Variants in ERC2 observed in about 807,000 individuals in gnomAD.
The protein encoded by ERC2 is ELKS/RAB6-interacting/CAST family member 2.
Under a neutral mutation model 114.8 loss-of-function variants are expected in ERC2, and 42 were observed. That is an observed-to-expected ratio of 0.37 (90% confidence interval 0.29 to 0.47). The LOEUF (loss-of-function observed/expected upper bound fraction) is 0.47, where lower values mean the gene tolerates loss of function less well. Ranked by LOEUF, ERC2 falls within the 20% of genes least tolerant of loss-of-function variation. The probability of loss-of-function intolerance (pLI) is 0.99; values close to 1 mark genes in which losing one functional copy is unlikely to be tolerated. For missense variants in ERC2, 939 were observed against 1,150.7 expected (o/e 0.82, Z 2.66); for synonymous variants, 454 against 425.5 (o/e 1.07, Z -0.82).
intron 15 of ERC2, among the ~76,000 whole-genome samples, chr3:55,708,240 A>G (rs1437262213): frequency 6.6e-6 from 1 of 152,228 alleles, no homozygotes; most frequent in African/African-American, 2.4e-5. Context: ...AGTCCACACT[A>G]GCGTTTAATG....
Position 55,675,903 on chromosome 3 carries a change from C to CTTTTTTTTTTTTTTTTTTTT in ERC2, c.*39+7871_*39+7890dup, listed in dbSNP as rs869296098. On this transcript the variant is annotated intron_variant, in intron 17 of 17. Transcript: ENST00000288221. ...TTCCATCTTTCTTTCTCTTTTCTTT[C>CTTTTTTTTTTTTTTTTTTTT]TTTTTTTTTTTTTTTTTTTTTTTTT... Among the ~76,000 whole-genome samples the CTTTTTTTTTTTTTTTTTTTT allele has an allele frequency of 3.1e-3, 147 of 47,990 alleles. 34 individuals carry two copies. Among genetic ancestry groups the CTTTTTTTTTTTTTTTTTTTT allele is most frequent in the Admixed American group, 7.0e-3 (20 of 2,864 alleles). 31.5% of individuals were successfully genotyped at this position (47,990 alleles called of 152,430 possible). A position where few individuals can be genotyped will look rare whatever the true frequency, so the allele number is the denominator to read the frequency against.
chr3:56,036,251 T>C (rs2074792712), intron 7 of ERC2, among the ~76,000 whole-genome samples: 1 of 152,172 alleles, frequency 6.6e-6, no homozygotes, highest in South Asian at 2.1e-4. Context: ...GCTAACTTAA[T>C]ACTCAATGGA....
chr3:55,979,487 A>C (rs564213836), intron 12 of ERC2, among the ~76,000 whole-genome samples: 1 of 152,346 alleles, frequency 6.6e-6, no homozygotes, highest in South Asian at 2.1e-4. Flanking sequence ...TATGGGTGGA[A>C]TCTCACTAGA....
chr3:55,527,831 G>A (rs1006849043), intron 17 of ERC2, among the ~76,000 whole-genome samples: 3 of 152,180 alleles, frequency 2.0e-5, no homozygotes, highest in South Asian at 2.1e-4. Context: ...TATTTCATGC[G>A]TGGGTTTGGG....
intron 3 of ERC2, among the ~76,000 whole-genome samples, chr3:56,230,086 G>T (rs1208541645): frequency 6.6e-6 from 1 of 151,814 alleles, no homozygotes; most frequent in Non-Finnish European, 1.5e-5. Context: ...GGCTGGTCTT[G>T]AACTCCTGAC....
chr3:56,172,191 G>A (rs1412491011), intron 4 of ERC2, among the ~76,000 whole-genome samples: 2 of 152,050 alleles, frequency 1.3e-5, no homozygotes, highest in African/African-American at 4.8e-5. Context: ...AACAACTGAT[G>A]AGCCAGGGTT....
At chr3:55,626,877 G>A (rs1349661077) in intron 17 of ERC2, among the ~76,000 whole-genome samples, 1 of 152,212 alleles carries the variant, frequency 6.6e-6, no homozygotes, top group South Asian at 2.1e-4. Context: ...TCAGTTTCTA[G>A]CCTTTAAAAT....
At chr3:55,755,661 AATC>A (rs1336768345) in intron 14 of ERC2, among the ~76,000 whole-genome samples, 1 of 152,126 alleles carries the variant, frequency 6.6e-6, no homozygotes, top group African/African-American at 2.4e-5. Flanking sequence ...TTGAACACTG[AATC>A]ATGGGAGGCA....
chr3:56,195,816 G>A (rs1341957635), intron 3 of ERC2, among the ~76,000 whole-genome samples: 1 of 151,856 alleles, frequency 6.6e-6, no homozygotes, highest in Non-Finnish European at 1.5e-5. Context: ...GACAGAGCAA[G>A]ACCCTGTCTC....
At chr3:56,258,948 C>T (rs2052714099) in intron 3 of ERC2, among the ~76,000 whole-genome samples, 1 of 150,840 alleles carries the variant, frequency 6.6e-6, no homozygotes, top group Non-Finnish European at 1.5e-5. Context: ...AACCTTAAAA[C>T]TATGTTTTTC....
chr3:55,799,423 C>CATATATAT (rs1171224151), intron 14 of ERC2, among the ~76,000 whole-genome samples: 2 of 110,524 alleles, frequency 1.8e-5, no homozygotes, highest in African/African-American at 4.7e-5. Context: ...TATATATATG[C>CATATATAT]ATATATATAT....
At chr3:56,115,784 A>T (rs1345635559) in intron 6 of ERC2, among the ~76,000 whole-genome samples, 1 of 151,942 alleles carries the variant, frequency 6.6e-6, no homozygotes, top group African/African-American at 2.4e-5. Flanking sequence ...ATTCCTAGAG[A>T]TTACAAGGGA....
At chr3:56,203,135 C>G (rs533431414) in intron 3 of ERC2, among the ~76,000 whole-genome samples, 1 of 152,306 alleles carries the variant, frequency 6.6e-6, no homozygotes, top group South Asian at 2.1e-4. Context: ...TTTCTTTGTG[C>G]AGCTGAAACA....
At chr3:55,791,314 A>C (rs1178870007) in intron 14 of ERC2, among the ~76,000 whole-genome samples, 1 of 152,204 alleles carries the variant, frequency 6.6e-6, no homozygotes, top group Non-Finnish European at 1.5e-5. Context: ...GTAAGTTTTT[A>C]AAAGTCCAGA....
intron 14 of ERC2, among the ~76,000 whole-genome samples, chr3:55,764,831 G>A (rs1316970197): frequency 6.6e-6 from 1 of 152,174 alleles, no homozygotes; most frequent in African/African-American, 2.4e-5. Flanking sequence ...TTTCTTAAAT[G>A]AGAACGTTCA....
At chr3:56,025,090 A>G (rs976982385) in intron 7 of ERC2, among the ~76,000 whole-genome samples, 1 of 152,166 alleles carries the variant, frequency 6.6e-6, no homozygotes, top group African/African-American at 2.4e-5. Flanking sequence ...AAAATTATTT[A>G]AAAAAGAAAA....
chr3:55,832,866 T>C (rs1283230319), intron 14 of ERC2, among the ~76,000 whole-genome samples: 2 of 151,988 alleles, frequency 1.3e-5, no homozygotes, highest in East Asian at 3.9e-4. Flanking sequence ...TTGAAAACAA[T>C]TTAGACGAAT....
At chr3:55,830,603 C>T (rs1486684588) in intron 14 of ERC2, among the ~76,000 whole-genome samples, 4 of 152,024 alleles carry the variant, frequency 2.6e-5, no homozygotes, top group Non-Finnish European at 5.9e-5. Flanking sequence ...TCTAAGTAGA[C>T]TATGAAAGGT....
chr3:55,565,133 G>C (rs1359634834), intron 17 of ERC2, among the ~76,000 whole-genome samples: 3 of 152,088 alleles, frequency 2.0e-5, no homozygotes, highest in African/African-American at 7.2e-5. Flanking sequence ...CCCAGACATG[G>C]ACTGCCTCCC....
Sources: allele counts gnomAD v4.1 joint callset (sites outside exome capture counted in the v4.1 genomes callset), GRCh38; gene constraint gnomAD v4.1.1; transcripts MANE v1.5; gene names NCBI Gene and HGNC (gene_info 2026-07-23, HGNC 2026-07-21).